The following CYP4F22 variants were observed in gnomAD, a reference collection of about 807,000 sequenced individuals.
CYP4F22 encodes cytochrome P450 family 4 subfamily F member 22.
A neutral mutation model predicts 60.4 loss-of-function variants in CYP4F22; 37 were observed. The observed-to-expected ratio is 0.61, with a 90% CI of 0.47 to 0.81. The LOEUF (loss-of-function observed/expected upper bound fraction) is 0.81. Among genes scored for constraint, CYP4F22 ranks in the 30% least tolerant of loss-of-function variants. CYP4F22 has a pLI of 0.00. For synonymous variants in CYP4F22, 258 were observed against 280.5 expected, an observed-to-expected ratio of 0.92 and a Z score of 0.80; for missense variants, 655 against 715.0, an observed-to-expected ratio of 0.92 and a Z score of 0.96.
chr19:15,512,395 G>A (rs8099989), intron 1 of CYP4F22, among the ~76,000 whole-genome samples: 1 of 152,010 alleles, frequency 6.6e-6, no homozygotes, highest in Non-Finnish European at 1.5e-5. Flanking sequence ...GCAGTGGCAA[G>A]ATTTTGGCTC....
chr19:15,532,854 G>A (rs1229587586), intron 4 of CYP4F22, among the ~76,000 whole-genome samples: 1 of 152,152 alleles, frequency 6.6e-6, no homozygotes, highest in Admixed American at 6.5e-5. Context: ...GTGGAGGGAG[G>A]GGATATTCTG....
At chr19:15,546,551 T>A (rs995291364) in intron 10 of CYP4F22, among the ~76,000 whole-genome samples, 1 of 152,102 alleles carries the variant, frequency 6.6e-6, no homozygotes, top group Non-Finnish European at 1.5e-5. Context: ...GCCACTGCAC[T>A]CCTGCCTGGA....
intron 4 of CYP4F22, among the ~76,000 whole-genome samples, chr19:15,531,950 T>A (rs762924307): frequency 2.0e-5 from 3 of 151,724 alleles, no homozygotes; most frequent in African/African-American, 4.8e-5. Context: ...ACAAAAAATT[T>A]AAAAAATTAG....
At position 15,550,808 on chromosome 19, in the gene CYP4F22, G is replaced by T. The variant is rs1453034615; in HGVS notation, c.1418+52G>T. ...AGCCAGCTGTGTAGGAACAGAGGCA[G>T]GGAAAGATCAGGAATGTGCCTCTCA... On this transcript the variant is annotated intron_variant, in intron 13 of 13. Coordinates refer to ENST00000269703, the MANE Select transcript of CYP4F22 (RefSeq NM_173483.4). The T allele has an allele frequency of 4.4e-6, 7 of 1,600,670 alleles. No homozygotes were observed. In the Middle Eastern group the frequency reaches 6.6e-4, roughly 152 times the overall value.
intron 2 of CYP4F22, among the ~76,000 whole-genome samples, chr19:15,524,420 C>T (rs577854255): frequency 6.6e-5 from 10 of 152,204 alleles, no homozygotes; most frequent in African/African-American, 1.7e-4. Flanking sequence ...GAGGCCAAGG[C>T]GGGAGGATCG....
At position 15,537,541 on chromosome 19, in the gene CYP4F22, G is replaced by GGCT; in HGVS notation, c.435_437dup (p.Leu146dup). The GGCT allele has an allele frequency of 1.2e-6, 2 of 1,614,150 alleles. No homozygotes were observed. Among genetic ancestry groups the GGCT allele is most frequent in the Non-Finnish European group, 1.7e-6 (2 of 1,180,026 alleles). ...CTCAGTCTTCTGGGCCCAGGGGATG[G>GGCT]GCTGCTGCTCAGCAAAGGTGACAAG... On this transcript the variant is annotated inframe_insertion, in exon 6 of 14. Coordinates refer to ENST00000269703, the MANE Select transcript of CYP4F22 (RefSeq NM_173483.4).
intron 1 of CYP4F22, among the ~76,000 whole-genome samples, chr19:15,510,410 T>C (rs1971076224): frequency 6.6e-6 from 1 of 152,184 alleles, no homozygotes. Flanking sequence ...ACTATGTGCC[T>C]GGAAGATTGC....
chr19:15,519,182 G>T (rs539043532), intron 1 of CYP4F22, among the ~76,000 whole-genome samples: 1 of 152,108 alleles, frequency 6.6e-6, no homozygotes, highest in Non-Finnish European at 1.5e-5. Flanking sequence ...CAGAGGAAAG[G>T]GGGGACAACG....
intron 1 of CYP4F22, among the ~76,000 whole-genome samples, chr19:15,511,074 C>G (rs964269055): frequency 9.6e-5 from 14 of 145,642 alleles, no homozygotes; most frequent in Middle Eastern, 3.6e-3. Flanking sequence ...TCAAGCTGTT[C>G]TCTTGCCTCA....
chr19:15,514,512 C>T (rs1363874991), intron 1 of CYP4F22, among the ~76,000 whole-genome samples: 5 of 152,006 alleles, frequency 3.3e-5, no homozygotes, highest in African/African-American at 9.7e-5. Context: ...ATGGTGAAAC[C>T]CCGTCTCTAT....
In CYP4F22 at chr19:15,551,358, C is replaced by T. The variant is rs200171674; in HGVS notation, c.1483C>T (p.Arg495Cys). Reference sequence around the variant, plus strand: ...CGTGGTTGTGGCACTAACACTGCTACGTTTCCGCCTGAGCGTGGACCGAAC... The same window carrying T: ...CGTGGTTGTGGCACTAACACTGCTATGTTTCCGCCTGAGCGTGGACCGAAC... ...LRVVVALTLL[R>C]FRLSVDRTRK... Residue 495 changes from arginine (R) to cysteine (C), a missense_variant, in exon 14 of 14, where the codon CGT becomes TGT. Coordinates refer to ENST00000269703, the MANE Select transcript of CYP4F22 (RefSeq NM_173483.4). The T allele has an allele frequency of 6.2e-7, 1 of 1,613,292 alleles. No homozygotes were observed. The highest frequency in any genetic ancestry group is 8.5e-7 in the Non-Finnish European group (1 of 1,179,642).
At chr19:15,523,209 A>G (rs1474083845) in intron 1 of CYP4F22, among the ~76,000 whole-genome samples, 1 of 151,764 alleles carries the variant, frequency 6.6e-6, no homozygotes, top group Non-Finnish European at 1.5e-5. Context: ...CACAAAAAAT[A>G]ATTAGCTGGA....
chr19:15,509,906 T>C lies in CYP4F22; in HGVS notation c.-109+1323T>C, dbSNP rs891975311. 8.3e-3 allele frequency among the ~76,000 whole-genome samples: 804 copies of C among 97,304 alleles called. 10 individuals are homozygous for C. The highest frequency in any genetic ancestry group is 0.023 in the Admixed American group (200 of 8,640). The allele number at this position is 97,304 out of a possible 152,430, so 63.8% of individuals were successfully genotyped here. A position where few individuals can be genotyped will look rare whatever the true frequency, so the allele number is the denominator to read the frequency against. ...CTTCCTTCCTTCCTTCCTTCCTTCC[T>C]TTCTTTCTTTCCTTCCTTCTTTCTT... On this transcript the variant is annotated intron_variant, in intron 1 of 13. Transcript: ENST00000269703.
At chr19:15,508,847 G>A (rs1181704248) in intron 1 of CYP4F22, among the ~76,000 whole-genome samples, 2 of 149,902 alleles carry the variant, frequency 1.3e-5, no homozygotes, top group African/African-American at 4.9e-5. Flanking sequence ...TTTTCTGTGT[G>A]CGCCTCGGAG....
intron 1 of CYP4F22, among the ~76,000 whole-genome samples, chr19:15,510,559 G>A (rs1317152174): frequency 2.6e-5 from 4 of 152,172 alleles, no homozygotes; most frequent in Admixed American, 1.3e-4. Flanking sequence ...TCATGTCCAG[G>A]TGTGGCCACA....
intron 4 of CYP4F22, among the ~76,000 whole-genome samples, chr19:15,531,635 T>A (rs1971344217): frequency 6.6e-6 from 1 of 152,088 alleles, no homozygotes; most frequent in African/African-American, 2.4e-5. Context: ...AATTGACTCT[T>A]CTGAGGGATG....
rs1437947695 is a variant in CYP4F22 at position 15,538,668 on chromosome 19, G to T, written c.671+675G>T. Among the ~76,000 whole-genome samples the T allele has an allele frequency of 2.6e-5, 4 of 152,180 alleles. No homozygotes were observed. The East Asian group carries it at 7.7e-4, about 29-fold the overall frequency. ...ATTAATGCAAAACTTGCAACACATA[G>T]TAGGTCCTCAGTAACAAGCTAATGA... On this transcript the variant is annotated intron_variant, in intron 7 of 13. Coordinates refer to ENST00000269703, the MANE Select transcript of CYP4F22 (RefSeq NM_173483.4).
rs748932202 is a variant in CYP4F22 at position 15,550,748 on chromosome 19, A to G, written c.1410A>G (p.Ala470=). The part of the protein sequence containing the change: ...RSPLAYVPFS[A]GPRNCIGQSF... The stretch of plus-strand genomic sequence containing the variant: ...CACTGGCCTATGTGCCCTTCTCTGC[A>G]GGACCCAGGTAACCCCTCTATTTCC... Residue 470 remains alanine (A), a synonymous_variant, in exon 13 of 14, where the codon GCA becomes GCG. Coordinates refer to ENST00000269703, the MANE Select transcript of CYP4F22 (RefSeq NM_173483.4). The G allele has an allele frequency of 4.3e-6, 7 of 1,614,088 alleles. No homozygotes were observed. The highest frequency in any genetic ancestry group is 5.9e-6 in the Non-Finnish European group (7 of 1,180,044).
intron 3 of CYP4F22, among the ~76,000 whole-genome samples, chr19:15,529,331 G>T (rs1045744720): frequency 6.6e-6 from 1 of 151,962 alleles, no homozygotes; most frequent in East Asian, 1.9e-4. Context: ...CTTTCACCAT[G>T]TTGTCCAGCC....
Sources: allele counts gnomAD v4.1 joint callset (sites outside exome capture counted in the v4.1 genomes callset), GRCh38; gene constraint gnomAD v4.1.1; transcripts MANE v1.5; gene names NCBI Gene and HGNC (gene_info 2026-07-23, HGNC 2026-07-21).